The following BGN variants were observed in gnomAD, a reference collection of about 807,000 sequenced individuals.
BGN encodes the protein biglycan, also known as bone/cartilage proteoglycan-I.
Under a neutral mutation model 20.0 loss-of-function variants are expected in BGN, and 6 were observed. The ratio of observed to expected loss-of-function variants is 0.30; its 90% CI spans 0.16 to 0.59. The LOEUF (loss-of-function observed/expected upper bound fraction) is 0.59. Ranked by LOEUF, BGN falls within the 20% of genes least tolerant of loss-of-function variation. The pLI is 0.88. For synonymous variants in BGN, 146 were observed against 134.6 expected (o/e 1.08, Z -0.59); for missense variants, 292 against 312.1 (o/e 0.94, Z 0.49).
At chrX:153,501,121 A>C (rs2089757388) in intron 1 of BGN, among the ~76,000 whole-genome samples, 1 of 110,064 alleles carries the variant, frequency 9.1e-6, no homozygotes, top group Non-Finnish European at 1.9e-5. Context: ...ACGTGTGTAC[A>C]TATGTGTTTT....
At chrX:153,504,989 A>G in intron 2 of BGN, 120 bp downstream of exon 2, 1 of 804,973 alleles carries the variant, frequency 1.2e-6, no homozygotes, top group Non-Finnish European at 1.8e-6. Context: ...ATGTAAGTGT[A>G]GGAGGGGTCC....
intron 1 of BGN, among the ~76,000 whole-genome samples, chrX:153,503,691 G>A (rs2980049): frequency 1.8e-5 from 2 of 110,884 alleles, no homozygotes; most frequent in African/African-American, 6.6e-5. Context: ...GGGCTGCTTC[G>A]CCTCCACTCC....
At chrX:153,507,544 C>G (rs957354485) in intron 7 of BGN, among the ~76,000 whole-genome samples, 21 of 112,987 alleles carry the variant, frequency 1.9e-4, no homozygotes, top group African/African-American at 6.4e-4. Flanking sequence ...GGAGCAGGGT[C>G]TTGCCTGGGA....
chrX:153,508,125 C>T (rs1279846327), intron 7 of BGN, 123 bp from the exon 8 acceptor site: 1 of 759,370 alleles, frequency 1.3e-6, no homozygotes, highest in Admixed American at 2.7e-5. Flanking sequence ...CTCCCAACAA[C>T]GGGGAGCCTC....
intron 2 of BGN, 50 bp from the exon 3 acceptor site, chrX:153,505,188 G>A: frequency 1.9e-6 from 2 of 1,060,978 alleles, no homozygotes; most frequent in East Asian, 6.1e-5. Flanking sequence ...TGGTGGGGGT[G>A]GGGCCCCTAG....
rs1556993210 is a variant in BGN, at chrX:153,506,551, G to A, written c.588G>A (p.Glu196=). 8.3e-7 allele frequency: 1 copy of A among 1,211,182 alleles called. No homozygotes were observed. Among genetic ancestry groups the A allele is most frequent in the East Asian group, 3.0e-5 (1 of 33,834 alleles). Residue 196 remains glutamate (E), a synonymous_variant, in exon 5 of 8, where the codon GAG becomes GAA. Coordinates refer to ENST00000331595, the MANE Select transcript of BGN (RefSeq NM_001711.6). Reference sequence around the variant, plus strand: ...TAGAGATGGGCGGGAACCCACTGGAGAACAGTGGCTTTGAACCTGGAGCCT... The same window carrying A: ...TAGAGATGGGCGGGAACCCACTGGAAAACAGTGGCTTTGAACCTGGAGCCT... ...NCIEMGGNPL[E]NSGFEPGAFD... is the part of the protein sequence containing the mutation.
At position 153,504,632 on chromosome X, in the gene BGN, ATGTGGCCCC is replaced by A; in HGVS notation, c.8_16del (p.ProLeuTrp3_?5). ...GCCTCTTCCCCCAGGTCCATCCGCC[ATGTGGCCCC>A]TGTGGCGCCTCGTGTCTCTGCTGGC... is the stretch of plus-strand genomic sequence containing the variant. On this transcript the variant is annotated start_lost and inframe_deletion, in exon 2 of 8. Coordinates refer to ENST00000331595, the MANE Select transcript of BGN (RefSeq NM_001711.6). 8.3e-7 allele frequency: 1 copy of A among 1,201,455 alleles called. No individual in the cohort carries two copies. The highest frequency in any genetic ancestry group is 1.1e-6 in the Non-Finnish European group (1 of 887,880).
At chrX:153,504,263 G>A (rs1354600330) in intron 1 of BGN, among the ~76,000 whole-genome samples, 1 of 112,583 alleles carries the variant, frequency 8.9e-6, no homozygotes, top group Non-Finnish European at 1.9e-5. Flanking sequence ...CCTCATGGAC[G>A]CCCCCGCCCT....
chrX:153,506,019 C>T lies in BGN; in HGVS notation c.508C>T (p.Arg170Cys), dbSNP rs782179570. The change falls in exon 4 of 8, where the codon CGC (arginine) becomes TGC (cysteine). Residue 170 changes from arginine (R) to cysteine (C), a missense_variant. Physicochemically the swap from Arg to Cys is radical, Grantham distance 180. Coordinates refer to ENST00000331595, the MANE Select transcript of BGN (RefSeq NM_001711.6). ...GGTGGAGCTCCGCATCCACGACAAC[C>T]GCATCCGCAAGGTGCCCAAGGGAGT... ...SLVELRIHDN[R>C]IRKVPKGVFS... 9.1e-6 allele frequency: 11 copies of T among 1,210,367 alleles called. No individual in the cohort carries two copies. The highest frequency in any genetic ancestry group is 7.0e-5 in the South Asian group (4 of 56,828).
Position 153,505,937 on chromosome X carries a change from G to A in BGN, c.426G>A (p.Lys142=). Reference sequence around the variant, plus strand: ...TCAGCCCACTGCGGAAGCTGCAGAAGCTCTACATCTCCAAGAACCACCTGG... The same window carrying A: ...TCAGCCCACTGCGGAAGCTGCAGAAACTCTACATCTCCAAGAACCACCTGG... ...KAFSPLRKLQ[K]LYISKNHLVE... The change falls in exon 4 of 8, where the codon AAG becomes AAA. Residue 142 remains lysine, a synonymous_variant. Coordinates refer to ENST00000331595, the MANE Select transcript of BGN (RefSeq NM_001711.6). 10 of 1,211,902 alleles carry A rather than the reference G, an allele frequency of 8.3e-6. No individual in the cohort carries two copies. The highest frequency in any genetic ancestry group is 1.1e-5 in the Non-Finnish European group (10 of 895,480).
chrX:153,503,623 G>A (rs1325460644), intron 1 of BGN, among the ~76,000 whole-genome samples: 1 of 112,020 alleles, frequency 8.9e-6, no homozygotes, highest in Non-Finnish European at 1.9e-5. Context: ...ACGGGAGACC[G>A]TGTCTGATGA....
Position 153,509,332 on chromosome X carries a change from C to T in BGN, c.*887C>T. 9.0e-6 allele frequency: 1 copy of T among 111,671 alleles called. No individual in the cohort carries two copies. Among genetic ancestry groups the T allele is most frequent in the Non-Finnish European group, 1.9e-5 (1 of 53,166 alleles). The allele number at this position is 111,671 out of a possible 1,213,427, so 9.2% of individuals were successfully genotyped here. The stretch of plus-strand genomic sequence containing the variant: ...CTCAGGCCTTGCCCCCAAACCTGTA[C>T]TGTCCCGGAGGAGGTTGGGAGGTGG... On this transcript the variant is annotated 3_prime_UTR_variant, in exon 8 of 8. Transcript: ENST00000331595.
chrX:153,496,591 G>A (rs941527271), intron 1 of BGN, among the ~76,000 whole-genome samples: 1 of 112,335 alleles, frequency 8.9e-6, no homozygotes, highest in African/African-American at 3.2e-5. Flanking sequence ...CCCATGGCAA[G>A]CTGGCCAGCT....
intron 7 of BGN, among the ~76,000 whole-genome samples, chrX:153,507,711 G>A (rs1039159024): frequency 8.8e-6 from 1 of 113,437 alleles, no homozygotes; most frequent in African/African-American, 3.2e-5. Context: ...GGCCGAGTGC[G>A]CCCTCTAGTG....
In BGN at chrX:153,504,827, G is replaced by A. The variant is rs782424958; in HGVS notation, c.196G>A (p.Gly66Ser). ...TPTYSAMCPFGCHCHLRVVQC... is the reference protein window; with the variant it reads ...TPTYSAMCPFSCHCHLRVVQC... ...CACCTACAGCGCCATGTGTCCTTTCGGCTGCCACTGCCACCTGCGGGTGGT... is the reference window on the plus strand; with the variant it reads ...CACCTACAGCGCCATGTGTCCTTTCAGCTGCCACTGCCACCTGCGGGTGGT... Residue 66 changes from glycine (G) to serine (S), a missense_variant, in exon 2 of 8, where the codon GGC becomes AGC. Gly to Ser is a moderately conservative substitution (Grantham distance 56). Coordinates refer to ENST00000331595, the MANE Select transcript of BGN (RefSeq NM_001711.6). The A allele has an allele frequency of 5.0e-6, 6 of 1,210,122 alleles. No homozygotes were observed. Among genetic ancestry groups the A allele is most frequent in the Non-Finnish European group, 6.7e-6 (6 of 895,268 alleles).
Position 153,505,973 on chromosome X carries a change from G to A in BGN, c.462G>A (p.Pro154=), listed in dbSNP as rs782776200. The A allele has an allele frequency of 6.6e-6, 8 of 1,210,088 alleles. No individual in the cohort carries two copies. The highest frequency in any genetic ancestry group is 2.3e-4 in the Middle Eastern group (1 of 4,375). The change falls in exon 4 of 8, where the codon CCG becomes CCA. Residue 154 remains proline (P), a synonymous_variant. Transcript: ENST00000331595. ...CCAAGAACCACCTGGTGGAGATCCCGCCCAACCTACCCAGCTCCCTGGTGG... is the reference window on the plus strand; with the variant it reads ...CCAAGAACCACCTGGTGGAGATCCCACCCAACCTACCCAGCTCCCTGGTGG... ...YISKNHLVEI[P]PNLPSSLVEL...
intron 7 of BGN, 109 bp from the exon 8 acceptor site, chrX:153,508,139 T>G: frequency 1.2e-6 from 1 of 842,150 alleles, no homozygotes; most frequent in Non-Finnish European, 1.7e-6. Context: ...GAGCCTCTGG[T>G]GTGGCCCTTG....
At chrX:153,497,994 C>G (rs2089731181) in intron 1 of BGN, among the ~76,000 whole-genome samples, 1 of 112,644 alleles carries the variant, frequency 8.9e-6, no homozygotes, top group Non-Finnish European at 1.9e-5. Flanking sequence ...CCTCCCACTC[C>G]CAGCTTCCCA....
intron 1 of BGN, among the ~76,000 whole-genome samples, chrX:153,497,899 G>A (rs147023007): frequency 0.021 from 2,315 of 112,310 alleles, 56 homozygotes; most frequent in African/African-American, 0.072. Flanking sequence ...TTCTTCCCCT[G>A]CCCCGTCATG....
Sources: allele counts gnomAD v4.1 joint callset (sites outside exome capture counted in the v4.1 genomes callset), GRCh38; gene constraint gnomAD v4.1.1; transcripts MANE v1.5; gene names NCBI Gene and HGNC (gene_info 2026-07-23, HGNC 2026-07-21).